Variants in PCNX2 observed in about 807,000 individuals in gnomAD.
The protein encoded by PCNX2 is pecanex 2.
PCNX2 carries 168 observed loss-of-function variants against 223.8 expected under a neutral mutation model. That is an observed-to-expected ratio of 0.75 (90% confidence interval 0.66 to 0.85). PCNX2 has a LOEUF of 0.85. PCNX2 is among the 40% of genes least tolerant of loss of function. The pLI is 0.00. For synonymous variants in PCNX2, 1,006 were observed against 1,052.6 expected (o/e 0.96, Z 0.86); for missense variants, 2,507 against 2,675.5 (o/e 0.94, Z 1.39).
chr1:233,149,769 C>T (rs909807042), intron 19 of PCNX2, among the ~76,000 whole-genome samples: 2 of 152,046 alleles, frequency 1.3e-5, no homozygotes, highest in African/African-American at 2.4e-5. Flanking sequence ...CCTTGATCTC[C>T]GTTTAGGATG....
the PCNX2 span, among the ~76,000 whole-genome samples, chr1:233,319,823 G>A: frequency 6.6e-6 from 1 of 152,078 alleles, no homozygotes; most frequent in African/African-American, 2.4e-5. Flanking sequence ...TTAAAACAGA[G>A]ACATCTAAAA....
intron 2 of PCNX2, 86 bp from the exon 3 acceptor site, chr1:233,262,251 T>C (rs1660094432): frequency 5.3e-6 from 8 of 1,512,904 alleles, no homozygotes; most frequent in African/African-American, 4.2e-5. Context: ...AAAAACTTTT[T>C]TTCCTAGAGT....
intron 30 of PCNX2, among the ~76,000 whole-genome samples, chr1:232,999,909 T>G (rs533183293): frequency 1.3e-5 from 2 of 152,340 alleles, no homozygotes; most frequent in East Asian, 3.9e-4. Context: ...GATTTGAAGC[T>G]ATATGAAAAG....
At chr1:233,078,501 A>G (rs6684434) in intron 23 of PCNX2, among the ~76,000 whole-genome samples, 59,246 of 152,128 alleles carry the variant, frequency 0.39, 13,495 homozygotes, top group African/African-American at 0.63. Context: ...AAAGCTGGAC[A>G]AACTAAGGAT....
chr1:233,115,675 G>A (rs1571894308), intron 21 of PCNX2, among the ~76,000 whole-genome samples: 1 of 152,198 alleles, frequency 6.6e-6, no homozygotes, highest in Non-Finnish European at 1.5e-5. Context: ...TAACATAGAT[G>A]TTGGAATTAT....
intron 1 of PCNX2, among the ~76,000 whole-genome samples, chr1:233,272,993 G>A (rs367784530): frequency 1.5e-4 from 23 of 152,000 alleles, no homozygotes; most frequent in East Asian, 1.2e-3. Flanking sequence ...GGGGACTTGG[G>A]GGAAAGAGTG....
chr1:233,069,521 A>G (rs1430882577), intron 23 of PCNX2, among the ~76,000 whole-genome samples: 3 of 152,184 alleles, frequency 2.0e-5, no homozygotes, highest in Non-Finnish European at 2.9e-5. Context: ...TTCTCCAACC[A>G]TAATGGACTT....
In PCNX2 at chr1:233,095,382, T is replaced by C. The variant is rs548117100; in HGVS notation, c.3946+373A>G. On this transcript the variant is annotated intron_variant, in intron 22 of 33. Transcript: ENST00000258229. ...TAATATACACTTGATAAAAATGTAT[T>C]GAATGCATTAAACCTATCCACAATG... The C allele has an allele frequency of 7.6e-5, 14 of 185,426 alleles. No homozygotes were observed. In the South Asian group the frequency reaches 1.6e-3, roughly 22 times the overall value. 11.5% of individuals were successfully genotyped at this position (185,426 alleles called of 1,614,324 possible). A position where few individuals can be genotyped will look rare whatever the true frequency, so the allele number is the denominator to read the frequency against.
At chr1:233,296,326 C>G (rs1662119316), upstream of PCNX2, among the ~76,000 whole-genome samples, 1 of 152,120 alleles carries the variant, frequency 6.6e-6, no homozygotes, top group Non-Finnish European at 1.5e-5. Context: ...TCCCTGTTGT[C>G]CAACTTGGTG....
intron 1 of PCNX2, among the ~76,000 whole-genome samples, chr1:233,290,117 C>A (rs557964782): frequency 9.7e-4 from 146 of 149,946 alleles, no homozygotes; most frequent in African/African-American, 3.5e-3. Context: ...TCCAATTGGA[C>A]CTTCATTTCT....
At chr1:233,273,404 T>C (rs948868647) in intron 1 of PCNX2, among the ~76,000 whole-genome samples, 1 of 151,984 alleles carries the variant, frequency 6.6e-6, no homozygotes, top group Non-Finnish European at 1.5e-5. Flanking sequence ...CTGTGCAAGC[T>C]CCATGCCCAC....
intron 21 of PCNX2, among the ~76,000 whole-genome samples, chr1:233,120,164 C>CAAAAAAAAAAAAAAAAA (rs1228898502): frequency 2.7e-3 from 114 of 42,018 alleles, no homozygotes; most frequent in Non-Finnish European, 3.4e-3. Context: ...GACTCCATTT[C>CAAAAAAAAAAAAAAAAA]AAAAAAAAAA....
chr1:233,275,375 G>C (rs907777808), intron 1 of PCNX2, among the ~76,000 whole-genome samples: 2 of 151,962 alleles, frequency 1.3e-5, no homozygotes, highest in Non-Finnish European at 2.9e-5. Context: ...GATAATTTTT[G>C]TGCTTTTAGT....
At chr1:233,240,531 C>A (rs1658700276) in intron 8 of PCNX2, among the ~76,000 whole-genome samples, 1 of 152,194 alleles carries the variant, frequency 6.6e-6, no homozygotes, top group South Asian at 2.1e-4. Context: ...ATTCTGTGAA[C>A]TACAGTACAC....
rs7535732 is a variant in PCNX2, at chr1:233,187,775, G to A, written c.3067-8600C>T. The stretch of plus-strand genomic sequence containing the variant: ...AAGCACGAGCTGGCTGGCTGAGATC[G>A]GTTTCCCCTTCATCCTCAGCAGCAG... On this transcript the variant is annotated intron_variant, in intron 15 of 33. Coordinates refer to ENST00000258229, the MANE Select transcript of PCNX2 (RefSeq NM_014801.4). Among the ~76,000 whole-genome samples the A allele has an allele frequency of 6.8e-3, 1,029 of 152,130 alleles. 8 individuals carry two copies. The highest frequency in any genetic ancestry group is 0.031 in the Middle Eastern group (9 of 294).
intron 1 of PCNX2, among the ~76,000 whole-genome samples, chr1:233,294,297 G>A (rs1195567897): frequency 6.6e-6 from 1 of 152,070 alleles, no homozygotes; most frequent in East Asian, 1.9e-4. Context: ...TTACAGATAA[G>A]AAAATGAAAA....
chr1:233,017,224 G>A lies in PCNX2; in HGVS notation c.4606-70C>T. Reference sequence around the variant, plus strand: ...TAGAAAGTAAATCAACCTCAGGAAAGTAAGAGGCATGAAATCCCTACATGT... The same window carrying A: ...TAGAAAGTAAATCAACCTCAGGAAAATAAGAGGCATGAAATCCCTACATGT... On this transcript the variant is annotated intron_variant, in intron 26 of 33. Coordinates refer to ENST00000258229, the MANE Select transcript of PCNX2 (RefSeq NM_014801.4). The A allele has an allele frequency of 7.5e-6, 8 of 1,061,662 alleles. No homozygotes were observed. In the South Asian group the frequency reaches 9.5e-5, roughly 13 times the overall value. The allele number at this position is 1,061,662 out of a possible 1,614,324, so 65.8% of individuals were successfully genotyped here.
chr1:233,321,831 G>A, the PCNX2 span, among the ~76,000 whole-genome samples: 44 of 152,142 alleles, frequency 2.9e-4, no homozygotes, highest in African/African-American at 1.0e-3. Flanking sequence ...ACCTTGGTTT[G>A]TGCAACTCAT....
chr1:233,129,594 G>A (rs1401777227), intron 21 of PCNX2, among the ~76,000 whole-genome samples: 1 of 152,216 alleles, frequency 6.6e-6, no homozygotes, highest in Non-Finnish European at 1.5e-5. Flanking sequence ...GAGTCTAGTG[G>A]GGACTTGGAG....
Sources: gnomAD v4.1 joint callset for allele counts (sites outside exome capture counted in the v4.1 genomes callset) on GRCh38, gnomAD v4.1.1 for gene constraint, MANE v1.5 for transcripts, NCBI Gene and HGNC (gene_info 2026-07-23, HGNC 2026-07-21) for gene names.